PTPRD: variants seen among roughly 807,000 people sequenced by gnomAD.
PTPRD encodes the protein receptor-type tyrosine-protein phosphatase delta.
A neutral mutation model predicts 214.5 loss-of-function variants in PTPRD; 34 were observed. That is an observed-to-expected ratio of 0.16 (90% CI 0.12 to 0.21). The LOEUF is 0.21. Among genes scored for constraint, PTPRD ranks in the 10% least tolerant of loss-of-function variants. The pLI is 1.00. For synonymous variants in PTPRD, 1,128 were observed against 845.7 expected, an observed-to-expected ratio of 1.33 and a Z score of -5.79; for missense variants, 2,545 against 2,398.7, an observed-to-expected ratio of 1.06 and a Z score of -1.27.
chr9:8,876,405 T>TA (rs554146602), intron 11 of PTPRD, among the ~76,000 whole-genome samples: 9 of 152,180 alleles, frequency 5.9e-5, no homozygotes, highest in Non-Finnish European at 8.8e-5. Flanking sequence ...ACACTGGAAA[T>TA]AGACCAGGAA....
At chr9:9,361,580 A>C (rs1403407790) in intron 9 of PTPRD, among the ~76,000 whole-genome samples, 1 of 150,998 alleles carries the variant, frequency 6.6e-6, no homozygotes, top group East Asian at 2.0e-4. Flanking sequence ...GTGATAATTT[A>C]TAAAGATCAA....
At chr9:9,886,561 A>G (rs762976706) in intron 5 of PTPRD, among the ~76,000 whole-genome samples, 25 of 152,132 alleles carry the variant, frequency 1.6e-4, no homozygotes, top group Non-Finnish European at 2.8e-4. Context: ...CTGTACCAAT[A>G]TCTTCTATCT....
chr9:10,237,765 C>G (rs2099633727), intron 3 of PTPRD, among the ~76,000 whole-genome samples: 1 of 151,842 alleles, frequency 6.6e-6, no homozygotes, highest in Non-Finnish European at 1.5e-5. Flanking sequence ...ATAACACTGT[C>G]ATTAAGGGGA....
At position 10,182,259 on chromosome 9, in the gene PTPRD, C is replaced by CAAAAAAAAAAAAAAAAAAAAAA. The variant is rs3075574; in HGVS notation, c.-544-148470_-544-148469insTTTTTTTTTTTTTTTTTTTTTT. On this transcript the variant is annotated intron_variant, in intron 3 of 45. Coordinates refer to ENST00000381196, the MANE Select transcript of PTPRD (RefSeq NM_002839.4). Reference sequence around the variant, plus strand: ...TGGGCAGCACAGTGAGACTCTGCCTCAAAAAAAAAAAAAAAAAAAAGAAAA... The same window carrying CAAAAAAAAAAAAAAAAAAAAAA: ...TGGGCAGCACAGTGAGACTCTGCCTCAAAAAAAAAAAAAAAAAAAAAAAAAAAAAAAAAAAAAAAAAAGAAAA... 7.5e-4 allele frequency among the ~76,000 whole-genome samples: 41 copies of CAAAAAAAAAAAAAAAAAAAAAA among 54,448 alleles called. 1 individual carries two copies. The highest frequency in any genetic ancestry group is 2.2e-3 in the African/African-American group (27 of 12,518). The allele number at this position is 54,448 out of a possible 152,430, so 35.7% of individuals were successfully genotyped here. A position where few individuals can be genotyped will look rare whatever the true frequency, so the allele number is the denominator to read the frequency against.
At chr9:8,829,494 G>C (rs1359350992) in intron 11 of PTPRD, among the ~76,000 whole-genome samples, 6 of 142,452 alleles carry the variant, frequency 4.2e-5, no homozygotes, top group African/African-American at 1.6e-4. Flanking sequence ...GCTCTGCATT[G>C]TGCATTTAAA....
At chr9:8,619,171 G>A (rs147101590) in intron 14 of PTPRD, among the ~76,000 whole-genome samples, 16 of 151,800 alleles carry the variant, frequency 1.1e-4, no homozygotes, top group South Asian at 2.1e-4. Flanking sequence ...AGTAACATAC[G>A]CATTATCTTA....
intron 7 of PTPRD, among the ~76,000 whole-genome samples, chr9:9,671,031 C>G (rs777243639): frequency 1.3e-5 from 2 of 152,140 alleles, no homozygotes; most frequent in Admixed American, 1.3e-4. Context: ...GATCCACCAA[C>G]AGCTTGCACC....
intron 8 of PTPRD, among the ~76,000 whole-genome samples, chr9:9,502,349 A>C (rs530761747): frequency 1.3e-5 from 2 of 151,834 alleles, no homozygotes; most frequent in African/African-American, 4.8e-5. Flanking sequence ...GATTCTTCAT[A>C]TAAGTGGGAT....
chr9:9,923,549 G>C (rs1358220092), intron 5 of PTPRD, among the ~76,000 whole-genome samples: 1 of 151,784 alleles, frequency 6.6e-6, no homozygotes, highest in African/African-American at 2.4e-5. Flanking sequence ...TTTCAGAAAT[G>C]CTTAAACGTT....
In PTPRD at chr9:9,916,862, A is replaced by G. The variant is rs7853576; in HGVS notation, c.-368+21645T>C. ...GTTTAAATATTTTTTAATCAAAATC[A>G]TATCAAGTATCCCATTGATCACAAT... On this transcript the variant is annotated intron_variant, in intron 5 of 45. Coordinates refer to ENST00000381196, the MANE Select transcript of PTPRD (RefSeq NM_002839.4). Among the ~76,000 whole-genome samples the G allele has an allele frequency of 5.6e-3, 851 of 152,130 alleles. 10 individuals carry two copies. Among genetic ancestry groups the G allele is most frequent in the African/African-American group, 0.019 (808 of 41,566 alleles).
rs1006232430 is a variant in PTPRD, at chr9:8,729,908, T to C, written c.64+3872A>G. On this transcript the variant is annotated intron_variant, in intron 12 of 45. Transcript: ENST00000381196. ...AAAGAAACTCCATGGTCTACAGTGA[T>C]ATAATACCAAAGGGGTTTGAGGAGG... Among the ~76,000 whole-genome samples, 3 of 152,210 alleles carry C rather than the reference T, an allele frequency of 2.0e-5. No individual in the cohort carries two copies. The East Asian group carries it at 5.8e-4, about 29-fold the overall frequency.
chr9:9,395,994 A>T (rs1346383290), intron 9 of PTPRD, among the ~76,000 whole-genome samples: 2 of 152,014 alleles, frequency 1.3e-5, no homozygotes, highest in African/African-American at 4.8e-5. Flanking sequence ...TATTTTGTTC[A>T]CTCACAAATT....
At chr9:9,817,580 T>C (rs1190353352) in intron 5 of PTPRD, among the ~76,000 whole-genome samples, 2 of 152,182 alleles carry the variant, frequency 1.3e-5, no homozygotes, top group Non-Finnish European at 2.9e-5. Context: ...GATAGGTCCA[T>C]AAAAAACTGA....
intron 6 of PTPRD, among the ~76,000 whole-genome samples, chr9:9,740,467 C>G (rs2098383863): frequency 6.6e-6 from 1 of 151,884 alleles, no homozygotes; most frequent in Non-Finnish European, 1.5e-5. Context: ...ACGCCATTCT[C>G]CTGCTTTAGC....
At chr9:9,842,856 A>G (rs967001998) in intron 5 of PTPRD, among the ~76,000 whole-genome samples, 3 of 152,006 alleles carry the variant, frequency 2.0e-5, no homozygotes, top group African/African-American at 4.8e-5. Context: ...CATGTTTCAT[A>G]CTGAACATAA....
At chr9:9,642,017 A>C (rs1028974979) in intron 7 of PTPRD, among the ~76,000 whole-genome samples, 1 of 150,570 alleles carries the variant, frequency 6.6e-6, no homozygotes, top group African/African-American at 2.5e-5. Flanking sequence ...AACCAACCCA[A>C]ATGTCCAACA....
At chr9:8,392,001 A>G (rs753892169) in intron 36 of PTPRD, among the ~76,000 whole-genome samples, 2 of 152,140 alleles carry the variant, frequency 1.3e-5, no homozygotes, top group African/African-American at 2.4e-5. Flanking sequence ...CTACTGAATA[A>G]TGATTGCACT....
chr9:9,696,263 A>C (rs2097371899), intron 7 of PTPRD, among the ~76,000 whole-genome samples: 1 of 152,138 alleles, frequency 6.6e-6, no homozygotes, highest in African/African-American at 2.4e-5. Flanking sequence ...TTATAAGAAA[A>C]ATGTGTATTC....
At chr9:9,616,695 G>T (rs1207926702) in intron 7 of PTPRD, among the ~76,000 whole-genome samples, 1 of 152,036 alleles carries the variant, frequency 6.6e-6, no homozygotes, top group Non-Finnish European at 1.5e-5. Context: ...ATAGAAACTG[G>T]ACCTTTTCTA....
Sources: allele counts gnomAD v4.1 joint callset (sites outside exome capture counted in the v4.1 genomes callset), GRCh38; gene constraint gnomAD v4.1.1; transcripts MANE v1.5; gene names NCBI Gene and HGNC (gene_info 2026-07-23, HGNC 2026-07-21).